PHF11: variants seen among roughly 807,000 people sequenced by gnomAD.
PHF11 encodes the protein PHD finger protein 11, also known as BRCA1 C-terminus-associated protein.
PHF11 carries 38 observed loss-of-function variants against 40.5 expected under a neutral mutation model. The observed-to-expected ratio is 0.94, with a 90% CI of 0.72 to 1.23. PHF11 has a LOEUF of 1.23. Ranked by LOEUF, PHF11 falls within the 50% of genes most tolerant of loss-of-function variation. The probability of loss-of-function intolerance (pLI) is 0.00; values close to 1 mark genes in which losing one functional copy is unlikely to be tolerated. For synonymous variants in PHF11, 127 were observed against 138.2 expected (o/e 0.92, Z 0.57); for missense variants, 369 against 392.4 (o/e 0.94, Z 0.50).
At position 49,496,181 on chromosome 13, in the gene PHF11, G is replaced by T. The variant is rs1390220753; in HGVS notation, c.94+86G>T. ...AGGGGCCTGCCTTCCGGTCGTGGCC[G>T]CATGGGGGCCCGACCTGCCCCTACT... On this transcript the variant is annotated intron_variant, in intron 1 of 9. Transcript: ENST00000378319. The T allele has an allele frequency of 2.7e-5, 23 of 860,942 alleles. No individual in the cohort carries two copies. In the South Asian group the frequency reaches 9.0e-4, roughly 34 times the overall value. The allele number at this position is 860,942 out of a possible 1,614,324, so 53.3% of individuals were successfully genotyped here. A position where few individuals can be genotyped will look rare whatever the true frequency, so the allele number is the denominator to read the frequency against.
chr13:49,514,424 A>G (rs1225740926), intron 3 of PHF11, among the ~76,000 whole-genome samples: 8 of 152,086 alleles, frequency 5.3e-5, no homozygotes, highest in Non-Finnish European at 1.2e-4. Flanking sequence ...AGTGTACACA[A>G]TACTGTAGTA....
At chr13:49,527,837 G>T (rs1383666006) in intron 9 of PHF11, among the ~76,000 whole-genome samples, 2 of 152,058 alleles carry the variant, frequency 1.3e-5, no homozygotes, top group African/African-American at 2.4e-5. Context: ...CTTAAGTTGG[G>T]TTTCACTACC....
intron 8 of PHF11, 40 bp downstream of exon 8, chr13:49,524,256 TC>T: frequency 6.8e-7 from 1 of 1,478,638 alleles, no homozygotes; most frequent in Non-Finnish European, 9.2e-7. Context: ...TAGAGACTTC[TC>T]CCAGATCTAG....
intron 1 of PHF11, chr13:49,497,200 A>G: frequency 1.6e-6 from 2 of 1,289,254 alleles, no homozygotes; most frequent in Non-Finnish European, 2.0e-6. Flanking sequence ...ATTCATTGGT[A>G]TACATATGGA....
intron 2 of PHF11, 110 bp from the exon 3 acceptor site, chr13:49,512,949 C>G: frequency 1.6e-6 from 1 of 624,136 alleles, no homozygotes; most frequent in Non-Finnish European, 2.9e-6. Context: ...GTTTTACCCC[C>G]AGTCCATTTC....
rs888468649 is a variant in PHF11, at chr13:49,506,621, G to A, written c.95-14G>A. 4 of 1,612,576 alleles carry A rather than the reference G, an allele frequency of 2.5e-6. No individual in the cohort carries two copies. The African/African-American group carries it at 5.3e-5, about 22-fold the overall frequency. On this transcript the variant is annotated splice_polypyrimidine_tract_variant and intron_variant, in intron 1 of 9. Transcript: ENST00000378319. ...TTCCACTTTTCCATTTCTCACCAGG[G>A]ATATTACTTATAGGTGTCTTTCAGG...
intron 5 of PHF11, 70 bp from the exon 6 acceptor site, chr13:49,521,973 A>G: frequency 2.6e-6 from 2 of 762,156 alleles, no homozygotes; most frequent in South Asian, 1.6e-5. Context: ...TATGAGTTGT[A>G]TATTTCATGT....
At chr13:49,526,484 C>T (rs756419561) in intron 9 of PHF11, 26 bp downstream of exon 9, 2 of 1,187,464 alleles carry the variant, frequency 1.7e-6, no homozygotes, top group Non-Finnish European at 2.5e-6. Context: ...AACATCTGAG[C>T]AGCATAGTTT....
chr13:49,512,735 G>A (rs1331969897), intron 2 of PHF11, among the ~76,000 whole-genome samples: 3 of 152,104 alleles, frequency 2.0e-5, no homozygotes, highest in African/African-American at 4.8e-5. Flanking sequence ...CTCTAACCAC[G>A]TGGCTTCAGC....
In PHF11 at chr13:49,501,839, C is replaced by T. The variant is rs369111195; in HGVS notation, c.95-4796C>T. On this transcript the variant is annotated intron_variant, in intron 1 of 9. Coordinates refer to ENST00000378319, the MANE Select transcript of PHF11 (RefSeq NM_001040443.3). ...CCGAGTAGCTGGGATTATAGGTGTC[C>T]GCCACCATGCCCGGCTAATTTTTGT... Among the ~76,000 whole-genome samples the T allele has an allele frequency of 2.3e-3, 348 of 152,020 alleles. 11 individuals carry two copies. The South Asian group carries it at 0.055, about 24-fold the overall frequency.
At chr13:49,520,557 A>G (rs184631454) in intron 4 of PHF11, among the ~76,000 whole-genome samples, 1 of 152,340 alleles carries the variant, frequency 6.6e-6, no homozygotes, top group East Asian at 1.9e-4. Flanking sequence ...GGAAATCTGC[A>G]TGTCTTAGAT....
chr13:49,528,386 T>A (rs1959400877), intron 9 of PHF11, 125 bp from the exon 10 acceptor site: 1 of 652,634 alleles, frequency 1.5e-6, no homozygotes, highest in Admixed American at 3.2e-5. Flanking sequence ...AGGCTCTGGA[T>A]CCTTTTCACC....
intron 5 of PHF11, chr13:49,521,220 T>C: frequency 9.2e-7 from 1 of 1,083,748 alleles, no homozygotes; most frequent in Non-Finnish European, 1.1e-6. Context: ...GAAAAAGCCT[T>C]GACTTTTGGG....
intron 1 of PHF11, among the ~76,000 whole-genome samples, chr13:49,502,332 T>C (rs550593489): frequency 3.6e-4 from 54 of 151,752 alleles, no homozygotes; most frequent in African/African-American, 1.3e-3. Flanking sequence ...TTAAAATAAA[T>C]TAAAATTCTA....
intron 7 of PHF11, 119 bp downstream of exon 7, chr13:49,523,360 T>C: frequency 1.5e-6 from 1 of 679,308 alleles, no homozygotes; most frequent in Non-Finnish European, 2.6e-6. Context: ...TTGTGGTAAT[T>C]AATGAGTATA....
chr13:49,496,234 G>A, intron 1 of PHF11, 139 bp downstream of exon 1: 5 of 646,266 alleles, frequency 7.7e-6, no homozygotes, highest in Non-Finnish European at 1.1e-5. Context: ...ACGCCGGGGC[G>A]GCGCTGGACG....
chr13:49,499,364 G>A (rs897540492), intron 1 of PHF11, among the ~76,000 whole-genome samples: 5 of 152,198 alleles, frequency 3.3e-5, no homozygotes, highest in African/African-American at 9.7e-5. Context: ...GAGCTGAACA[G>A]ATACCCTAAA....
chr13:49,518,630 T>C (rs930756803), intron 4 of PHF11: 3 of 152,198 alleles, frequency 2.0e-5, no homozygotes, highest in African/African-American at 7.2e-5. Context: ...AGGTAGATAC[T>C]ATTATCTCCA....
At chr13:49,496,523 C>T in intron 1 of PHF11, 2 of 865,362 alleles carry the variant, frequency 2.3e-6, no homozygotes, top group Non-Finnish European at 2.8e-6. Flanking sequence ...CTGGGTCTCA[C>T]GTTCACGGAG....
Sources: gnomAD v4.1 joint callset for allele counts (sites outside exome capture counted in the v4.1 genomes callset) on GRCh38, gnomAD v4.1.1 for gene constraint, MANE v1.5 for transcripts, NCBI Gene and HGNC (gene_info 2026-07-23, HGNC 2026-07-21) for gene names.